Variants in TEAD1 observed in about 807,000 individuals in gnomAD.
TEAD1 encodes the protein TEA domain transcription factor 1.
TEAD1 carries 9 observed loss-of-function variants against 54.9 expected under a neutral mutation model. That is an observed-to-expected ratio of 0.16 (90% CI 0.10 to 0.29). The LOEUF (loss-of-function observed/expected upper bound fraction) is 0.29, where lower values mean the gene tolerates loss of function less well. Ranked by LOEUF, TEAD1 falls within the 10% of genes least tolerant of loss-of-function variation. The probability of loss-of-function intolerance (pLI) is 1.00; values close to 1 mark genes in which losing one functional copy is unlikely to be tolerated. For synonymous variants in TEAD1, 200 were observed against 187.8 expected (o/e 1.07, Z -0.53); for missense variants, 387 against 535.9 (o/e 0.72, Z 2.74).
At chr11:12,714,910 T>C (rs1944023084) in intron 2 of TEAD1, among the ~76,000 whole-genome samples, 1 of 152,104 alleles carries the variant, frequency 6.6e-6, no homozygotes, top group African/African-American at 2.4e-5. Context: ...ATCACCTCTT[T>C]AAAAGGCCAT....
chr11:12,687,994 T>C (rs1943368960), intron 2 of TEAD1, among the ~76,000 whole-genome samples: 1 of 152,198 alleles, frequency 6.6e-6, no homozygotes, highest in Non-Finnish European at 1.5e-5. Context: ...GGTTTTGCTT[T>C]GGAATGTGCT....
At chr11:12,804,861 G>C (rs1175053434) in intron 3 of TEAD1, among the ~76,000 whole-genome samples, 1 of 152,196 alleles carries the variant, frequency 6.6e-6, no homozygotes, top group Non-Finnish European at 1.5e-5. Flanking sequence ...AGATGATAAA[G>C]AGAAGAAACC....
At chr11:12,776,761 TTATTATTATTA>T (rs1945428080) in intron 3 of TEAD1, among the ~76,000 whole-genome samples, 2 of 32,572 alleles carry the variant, frequency 6.1e-5, no homozygotes. Context: ...TGGATATTTA[TTATTATTATTA>T]TTATTATTAT....
intron 11 of TEAD1, among the ~76,000 whole-genome samples, chr11:12,929,579 G>C (rs1456940050): frequency 6.6e-6 from 1 of 151,264 alleles, no homozygotes; most frequent in African/African-American, 2.4e-5. Context: ...CCTTTTCATT[G>C]CTCTTTAGTT....
intron 2 of TEAD1, among the ~76,000 whole-genome samples, chr11:12,724,831 T>G (rs966933748): frequency 6.6e-6 from 1 of 152,218 alleles, no homozygotes; most frequent in Non-Finnish European, 1.5e-5. Flanking sequence ...TGGTCTTTTG[T>G]GCTCCAGTAG....
chr11:12,844,787 A>G lies in TEAD1; in HGVS notation c.203-17463A>G, dbSNP rs1038255660. 3.9e-5 allele frequency among the ~76,000 whole-genome samples: 6 copies of G among 151,904 alleles called. No homozygotes were observed. The South Asian group carries it at 6.2e-4, about 16-fold the overall frequency. ...GTAGGCAGGGCTTACCCAACGATTG[A>G]TATGTTTTAGCACTTTTGGGATTAT... On this transcript the variant is annotated intron_variant, in intron 3 of 12. Transcript: ENST00000527636.
At chr11:12,864,632 G>GTTTTA (rs890354888) in intron 4 of TEAD1, 2 of 1,205,882 alleles carry the variant, frequency 1.7e-6, no homozygotes, top group African/African-American at 3.1e-5. Context: ...GTTTTGTTTT[G>GTTTTA]TTTTGTTTTG....
At chr11:12,717,124 TAATG>T (rs907243059) in intron 2 of TEAD1, among the ~76,000 whole-genome samples, 2 of 152,246 alleles carry the variant, frequency 1.3e-5, no homozygotes, top group Admixed American at 1.3e-4. Context: ...CCATGGAATG[TAATG>T]AATGTAGTTA....
intron 3 of TEAD1, among the ~76,000 whole-genome samples, chr11:12,805,865 A>G (rs982740427): frequency 2.4e-4 from 37 of 152,178 alleles, no homozygotes; most frequent in African/African-American, 8.2e-4. Flanking sequence ...CTCTAGATTG[A>G]TTAGGTGGTT....
chr11:12,715,939 A>G (rs1009302323), intron 2 of TEAD1, among the ~76,000 whole-genome samples: 1 of 152,086 alleles, frequency 6.6e-6, no homozygotes, highest in African/African-American at 2.4e-5. Flanking sequence ...GGAAAGACCA[A>G]CAAGAACAAT....
chr11:12,889,992 G>A (rs899451057), intron 9 of TEAD1, among the ~76,000 whole-genome samples: 1 of 152,096 alleles, frequency 6.6e-6, no homozygotes, highest in Non-Finnish European at 1.5e-5. Context: ...AAAGTGCTGG[G>A]ATTACAGGTG....
At chr11:12,909,459 GT>G (rs1948579279) in intron 10 of TEAD1, among the ~76,000 whole-genome samples, 2 of 149,600 alleles carry the variant, frequency 1.3e-5, no homozygotes, top group Admixed American at 1.3e-4. Flanking sequence ...TCACTCATAA[GT>G]GGGAGTTGAA....
At position 12,821,961 on chromosome 11, in the gene TEAD1, C is replaced by CTTTTTTTTTTTTTTTTTTTTTTT. The variant is rs10700151; in HGVS notation, c.203-40269_203-40268insTTTTTTTTTTTTTTTTTTTTTTT. Reference sequence around the variant, plus strand: ...TACTCTCTCTCCTTTTTCTCTTTTCCTTTTTTTTTTTTTTTTTTTTGAGAC... The same window carrying CTTTTTTTTTTTTTTTTTTTTTTT: ...TACTCTCTCTCCTTTTTCTCTTTTCCTTTTTTTTTTTTTTTTTTTTTTTTTTTTTTTTTTTTTTTTTTTGAGAC... On this transcript the variant is annotated intron_variant, in intron 3 of 12. Coordinates refer to ENST00000527636, the MANE Select transcript of TEAD1 (RefSeq NM_021961.6). Among the ~76,000 whole-genome samples the CTTTTTTTTTTTTTTTTTTTTTTT allele has an allele frequency of 1.7e-3, 114 of 68,066 alleles. 20 individuals carry two copies. Among genetic ancestry groups the CTTTTTTTTTTTTTTTTTTTTTTT allele is most frequent in the Non-Finnish European group, 2.1e-3 (84 of 40,016 alleles). The allele number at this position is 68,066 out of a possible 152,430, so 44.7% of individuals were successfully genotyped here.
intron 3 of TEAD1, among the ~76,000 whole-genome samples, chr11:12,829,093 A>G (rs959758457): frequency 1.3e-5 from 2 of 152,036 alleles, no homozygotes; most frequent in East Asian, 3.9e-4. Flanking sequence ...TGATTGAGGT[A>G]GTGGTGGTGG....
chr11:12,875,432 C>T (rs537571229), intron 5 of TEAD1, among the ~76,000 whole-genome samples: 1 of 152,326 alleles, frequency 6.6e-6, no homozygotes, highest in African/African-American at 2.4e-5. Context: ...GGCATTCTTT[C>T]AAATTCCCGT....
chr11:12,740,971 T>A (rs1481487719), intron 2 of TEAD1, among the ~76,000 whole-genome samples: 1 of 152,102 alleles, frequency 6.6e-6, no homozygotes, highest in Admixed American at 6.6e-5. Context: ...ATTTTCTTTT[T>A]AAAAATATTG....
intron 2 of TEAD1, among the ~76,000 whole-genome samples, chr11:12,695,962 A>T (rs573663330): frequency 6.6e-6 from 1 of 152,296 alleles, no homozygotes; most frequent in East Asian, 1.9e-4. Flanking sequence ...CTCTGAAGAA[A>T]AAAGGAGGAA....
intron 2 of TEAD1, among the ~76,000 whole-genome samples, chr11:12,711,027 T>C (rs532862109): frequency 5.3e-5 from 8 of 152,282 alleles, no homozygotes; most frequent in African/African-American, 1.9e-4. Flanking sequence ...AGGACTGTAC[T>C]GTGAATACCA....
chr11:12,732,227 C>A (rs957914620), intron 2 of TEAD1, among the ~76,000 whole-genome samples: 1 of 152,152 alleles, frequency 6.6e-6, no homozygotes, highest in Admixed American at 6.5e-5. Flanking sequence ...CTTCCAACTC[C>A]CAGTCACAGG....
Sources: allele counts gnomAD v4.1 joint callset (sites outside exome capture counted in the v4.1 genomes callset), GRCh38; gene constraint gnomAD v4.1.1; transcripts MANE v1.5; gene names NCBI Gene and HGNC (gene_info 2026-07-23, HGNC 2026-07-21).